Variants in PCDH15 observed in about 807,000 individuals in gnomAD.
PCDH15 encodes protocadherin related 15, also known as protocadherin-15.
A neutral mutation model predicts 178.5 loss-of-function variants in PCDH15; 129 were observed. The ratio of observed to expected loss-of-function variants is 0.72; its 90% CI spans 0.63 to 0.84. The LOEUF is 0.84. PCDH15 is among the 40% of genes least tolerant of loss of function. The pLI is 0.00. For synonymous variants in PCDH15, 800 were observed against 732.0 expected, an observed-to-expected ratio of 1.09 and a Z score of -1.50; for missense variants, 2,230 against 2,099.9, an observed-to-expected ratio of 1.06 and a Z score of -1.21.
In PCDH15 at chr10:54,881,983, C is replaced by A. The variant is rs56776111; in HGVS notation, c.-29+15467G>T. Among the ~76,000 whole-genome samples, 130 of 152,134 alleles carry A rather than the reference C, an allele frequency of 8.5e-4. 4 individuals carry two copies. In the East Asian group the frequency reaches 0.02, roughly 24 times the overall value. On this transcript the variant is annotated intron_variant, in intron 3 of 5. Transcript: ENST00000458638. The stretch of plus-strand genomic sequence containing the variant: ...TGCCTAAATATAAGTGCCATGAGGG[C>A]AAATTTCTTTTCTGTTTTGTTCCCA...
At chr10:54,980,062 C>T (rs570940747) in intron 2 of PCDH15, among the ~76,000 whole-genome samples, 1 of 152,224 alleles carries the variant, frequency 6.6e-6, no homozygotes, top group African/African-American at 2.4e-5. Flanking sequence ...TGGTGGCCAT[C>T]CATTACAGAT....
chr10:54,927,051 T>C (rs1837648136), intron 2 of PCDH15, among the ~76,000 whole-genome samples: 2 of 152,206 alleles, frequency 1.3e-5, no homozygotes, highest in Admixed American at 1.3e-4. Context: ...AATGAGATCT[T>C]TCCAACTTTT....
chr10:54,925,132 G>A (rs937544661), intron 2 of PCDH15, among the ~76,000 whole-genome samples: 1 of 152,128 alleles, frequency 6.6e-6, no homozygotes, highest in African/African-American at 2.4e-5. Flanking sequence ...ATGGTGTAAG[G>A]AAGGAGTCCA....
At chr10:55,330,591 C>G (rs946823068) in intron 2 of PCDH15, among the ~76,000 whole-genome samples, 1 of 151,732 alleles carries the variant, frequency 6.6e-6, no homozygotes, top group Non-Finnish European at 1.5e-5. Flanking sequence ...TTATTTTTAA[C>G]ATAAATTAAG....
At chr10:54,485,360 T>C (rs1160551799) in intron 3 of PCDH15, among the ~76,000 whole-genome samples, 3 of 151,934 alleles carry the variant, frequency 2.0e-5, no homozygotes, top group Admixed American at 6.6e-5. Flanking sequence ...AGCCAAGCAA[T>C]TGAGCCTCTT....
chr10:54,749,220 A>C (rs528268748), intron 1 of PCDH15, among the ~76,000 whole-genome samples: 6 of 152,208 alleles, frequency 3.9e-5, no homozygotes, highest in African/African-American at 1.4e-4. Flanking sequence ...TATTTAAGCC[A>C]TTAAAAAATG....
intron 1 of PCDH15, among the ~76,000 whole-genome samples, chr10:54,776,516 G>A (rs901907096): frequency 5.9e-5 from 9 of 152,024 alleles, no homozygotes; most frequent in Non-Finnish European, 7.4e-5. Flanking sequence ...AAACATTAGG[G>A]CAATGATTTT....
intron 1 of PCDH15, among the ~76,000 whole-genome samples, chr10:54,697,698 A>AGGGAGGAAGGGG (rs2095254356): frequency 9.9e-6 from 1 of 100,878 alleles, no homozygotes; most frequent in African/African-American, 3.5e-5. Flanking sequence ...GGAGGAAGGG[A>AGGGAGGAAGGGG]GGAAGGGAGG....
chr10:54,759,357 A>G (rs1179062696), intron 1 of PCDH15, among the ~76,000 whole-genome samples: 1 of 152,226 alleles, frequency 6.6e-6, no homozygotes, highest in African/African-American at 2.4e-5. Context: ...AACAATTTTC[A>G]AAATAAAAAT....
intron 15 of PCDH15, among the ~76,000 whole-genome samples, chr10:54,114,607 T>C (rs552099197): frequency 2.0e-5 from 3 of 152,066 alleles, no homozygotes; most frequent in Non-Finnish European, 4.4e-5. Flanking sequence ...CAAGTGCATA[T>C]AGGATTACAG....
intron 17 of PCDH15, among the ~76,000 whole-genome samples, chr10:54,068,459 A>G (rs2094178378): frequency 6.6e-6 from 1 of 152,176 alleles, no homozygotes; most frequent in South Asian, 2.1e-4. Context: ...AACAACCCAA[A>G]TGTCCATCGA....
intron 3 of PCDH15, among the ~76,000 whole-genome samples, chr10:54,394,935 G>A (rs1476400748): frequency 6.6e-6 from 1 of 152,136 alleles, no homozygotes; most frequent in South Asian, 2.1e-4. Flanking sequence ...GTTCTGCCCA[G>A]CTCACCGGTG....
intron 1 of PCDH15, among the ~76,000 whole-genome samples, chr10:55,295,516 T>C (rs1375245011): frequency 2.0e-5 from 3 of 152,174 alleles, no homozygotes; most frequent in Non-Finnish European, 4.4e-5. Flanking sequence ...CTTCCCGTGC[T>C]CTCGCCTTCA....
Position 54,277,331 on chromosome 10 carries a change from C to G in PCDH15, c.876+39940G>C, listed in dbSNP as rs979289139. 2.0e-5 allele frequency among the ~76,000 whole-genome samples: 3 copies of G among 151,446 alleles called. No individual in the cohort carries two copies. The Admixed American group carries it at 2.0e-4, about 10-fold the overall frequency. On this transcript the variant is annotated intron_variant, in intron 8 of 37. Transcript: ENST00000644397. ...AGTGATCATTGGGTGAGTGGCAAAG[C>G]AACTATAACTAAAGCTGAAAGCATG...
At chr10:55,277,679 G>A (rs533829169) in intron 1 of PCDH15, among the ~76,000 whole-genome samples, 7 of 152,070 alleles carry the variant, frequency 4.6e-5, no homozygotes, top group East Asian at 3.9e-4. Flanking sequence ...TGTAGAACTC[G>A]TCTCAGAGCT....
rs926218833 is a variant in PCDH15, at chr10:54,511,873, AT to A, written c.157+15938del. ...GGTCAAATAAGGTATGTGAGTGCTT[AT>A]TTTTTTTTCTTTGGGGGAGTGTTTT... On this transcript the variant is annotated intron_variant, in intron 3 of 37. Transcript: ENST00000644397. Among the ~76,000 whole-genome samples the A allele has an allele frequency of 4.1e-4, 62 of 151,326 alleles. 1 individual carries two copies. The highest frequency in any genetic ancestry group is 1.3e-3 in the African/African-American group (54 of 41,306).
chr10:53,942,292 TC>T (rs76736814), intron 23 of PCDH15, among the ~76,000 whole-genome samples: 101,242 of 151,750 alleles, frequency 0.67, 34,278 homozygotes, highest in East Asian at 0.87. Context: ...TCCTGCATTT[TC>T]TTTTTGCTTT....
intron 2 of PCDH15, among the ~76,000 whole-genome samples, chr10:55,455,685 CAAATT>C (rs1839535095): frequency 6.6e-6 from 1 of 152,024 alleles, no homozygotes; most frequent in South Asian, 2.1e-4. Flanking sequence ...ACTGAGCATA[CAAATT>C]AGTATAGCTC....
chr10:54,821,689 G>A (rs770242948), intron 3 of PCDH15, among the ~76,000 whole-genome samples: 59 of 152,146 alleles, frequency 3.9e-4, no homozygotes, highest in Non-Finnish European at 2.6e-4. Flanking sequence ...AAGTAATCCG[G>A]TCTTCTGGCT....
Sources: gnomAD v4.1 joint callset for allele counts (sites outside exome capture counted in the v4.1 genomes callset) on GRCh38, gnomAD v4.1.1 for gene constraint, MANE v1.5 for transcripts, NCBI Gene and HGNC (gene_info 2026-07-23, HGNC 2026-07-21) for gene names.